The following MRPL28 variants were observed in gnomAD, a reference collection of about 807,000 sequenced individuals.
The protein encoded by MRPL28 is mitochondrial ribosomal protein L28, also known as large ribosomal subunit protein bL28m.
In MRPL28, 25 loss-of-function variants were observed where a neutral mutation model predicts 26.2. The observed-to-expected ratio is 0.95, with a 90% CI of 0.69 to 1.33. The LOEUF (loss-of-function observed/expected upper bound fraction) is 1.33. Ranked by LOEUF, MRPL28 falls within the 40% of genes most tolerant of loss-of-function variation. MRPL28 has a pLI of 0.00. For missense variants in MRPL28, 432 were observed against 327.2 expected, an observed-to-expected ratio of 1.32 and a Z score of -2.47; for synonymous variants, 227 against 140.1, an observed-to-expected ratio of 1.62 and a Z score of -4.38.
At chr16:369,401 TC>T (rs2054295904) in intron 2 of MRPL28, 181 bp from the exon 3 acceptor site, 1 of 727,372 alleles carries the variant, frequency 1.4e-6, no homozygotes, top group Non-Finnish European at 2.2e-6. Context: ...CCGACCCGGG[TC>T]CTGACTGTGT....
rs143007789 is a variant in MRPL28 at position 368,630 on chromosome 16, C to T, written c.447G>A (p.Pro149=). 1,522 of 1,552,854 alleles carry T rather than the reference C, an allele frequency of 9.8e-4. 25 individuals carry two copies. The South Asian group carries it at 9.9e-3, about 10-fold the overall frequency. The part of the protein sequence containing the change: ...YGLDFYILKT[P]KEDLCSKFGM... ...CAAACTTGGAGCACAGGTCCTCCTTCGGGGTCTGGCAGAAGGCTCACATGG... is the reference window on the plus strand; with the variant it reads ...CAAACTTGGAGCACAGGTCCTCCTTTGGGGTCTGGCAGAAGGCTCACATGG... Residue 149 remains proline, a synonymous_variant, in exon 4 of 6, where the codon CCG becomes CCA. Transcript: ENST00000199706.
chr16:369,541 CA>C (rs1452293775), intron 2 of MRPL28: 9 of 607,766 alleles, frequency 1.5e-5, no homozygotes, highest in Non-Finnish European at 2.8e-5. Context: ...GGAGGTGACA[CA>C]AGTCTCCCCA....
rs539745173 is a variant in MRPL28 at position 368,930 on chromosome 16, T to C, written c.441+138A>G. On this transcript the variant is annotated intron_variant, in intron 3 of 5. Transcript: ENST00000199706. Reference sequence around the variant, plus strand: ...CACTGGTGCTGGCCAGAAAGGGGCATGGCCCCACTCACGCTTTCCCAGTGA... The same window carrying C: ...CACTGGTGCTGGCCAGAAAGGGGCACGGCCCCACTCACGCTTTCCCAGTGA... 3.4e-5 allele frequency: 40 copies of C among 1,169,194 alleles called. No individual in the cohort carries two copies. The Middle Eastern group carries it at 1.2e-3, about 34-fold the overall frequency. The allele number at this position is 1,169,194 out of a possible 1,614,324, so 72.4% of individuals were successfully genotyped here. A position where few individuals can be genotyped will look rare whatever the true frequency, so the allele number is the denominator to read the frequency against.
In MRPL28 at chr16:369,812, G is replaced by T. The variant is rs545438838; in HGVS notation, c.288+119C>A. 20 of 1,269,320 alleles carry T rather than the reference G, an allele frequency of 1.6e-5. No individual in the cohort carries two copies. The African/African-American group carries it at 2.8e-4, about 18-fold the overall frequency. 78.6% of individuals were successfully genotyped at this position (1,269,320 alleles called of 1,614,324 possible). Reference sequence around the variant, plus strand: ...CGTGCTCCTTTGCCGGAGATGTGTCGCCTCCAGGCTGTAATCCCCAGGGCC... The same window carrying T: ...CGTGCTCCTTTGCCGGAGATGTGTCTCCTCCAGGCTGTAATCCCCAGGGCC... On this transcript the variant is annotated intron_variant, in intron 2 of 5. Coordinates refer to ENST00000199706, the MANE Select transcript of MRPL28 (RefSeq NM_006428.5).
chr16:367,868 C>T (rs2054274794), intron 5 of MRPL28, 86 bp from the exon 6 acceptor site: 1 of 1,175,480 alleles, frequency 8.5e-7, no homozygotes, highest in African/African-American at 1.5e-5. Context: ...AGCTGCCGCC[C>T]AGAGGAACCG....
Position 370,224 on chromosome 16 carries a change from G to A in MRPL28, c.-6C>T, listed in dbSNP as rs2054311398. The stretch of plus-strand genomic sequence containing the variant: ...GGATACTTGTGTAGAGGCATCGCGA[G>A]CCTGGCGGGAGGTGGGGGCTCGCAG... On this transcript the variant is annotated splice_region_variant and 5_prime_UTR_variant, in exon 2 of 6. Coordinates refer to ENST00000199706, the MANE Select transcript of MRPL28 (RefSeq NM_006428.5). 6.4e-7 allele frequency: 1 copy of A among 1,569,008 alleles called. No homozygotes were observed. Among genetic ancestry groups the A allele is most frequent in the African/African-American group, 1.4e-5 (1 of 74,024 alleles).
At position 369,964 on chromosome 16, in the gene MRPL28, C is replaced by A; in HGVS notation, c.255G>T (p.Trp85Cys). 2 of 1,612,294 alleles carry A rather than the reference C, an allele frequency of 1.2e-6. No individual in the cohort carries two copies. Among genetic ancestry groups the A allele is most frequent in the Non-Finnish European group, 1.7e-6 (2 of 1,179,832 alleles). Reference sequence around the variant, plus strand: ...TGTTGGCATATATTTGGCCCAGGATCCAGCCCTCGCCGCCCCACAACCCCC... The same window carrying A: ...TGTTGGCATATATTTGGCCCAGGATACAGCCCTCGCCGCCCCACAACCCCC... ...SQRGLWGGEG[W>C]ILGQIYANND... Residue 85 changes from tryptophan (W) to cysteine (C), a missense_variant, in exon 2 of 6, where the codon TGG becomes TGT. By Grantham distance (215) the Trp-to-Cys change is radical. Coordinates refer to ENST00000199706, the MANE Select transcript of MRPL28 (RefSeq NM_006428.5).
At chr16:368,687 C>G (rs755409457) in intron 3 of MRPL28, 52 bp from the exon 4 acceptor site, 2 of 1,514,980 alleles carry the variant, frequency 1.3e-6, no homozygotes, top group Admixed American at 4.4e-5. Context: ...CCCCACCTAC[C>G]CTTCCAGCCA....
chr16:370,221 C>G lies in MRPL28; in HGVS notation c.-3G>C, dbSNP rs1360048923. The G allele has an allele frequency of 6.4e-7, 1 of 1,570,374 alleles. No homozygotes were observed. The highest frequency in any genetic ancestry group is 1.3e-5 in the African/African-American group (1 of 74,172). The stretch of plus-strand genomic sequence containing the variant: ...ACGGGATACTTGTGTAGAGGCATCG[C>G]GAGCCTGGCGGGAGGTGGGGGCTCG... On this transcript the variant is annotated 5_prime_UTR_variant, in exon 2 of 6. Transcript: ENST00000199706.
At position 370,021 on chromosome 16, in the gene MRPL28, G is replaced by C. The variant is rs748011102; in HGVS notation, c.198C>G (p.Pro66=). ...ATTCGGGGGGAAAGTAGATGGGAAT[G>C]GGCACGTCCTCCACACGCTCCCGCT... ...NGQRERVEDV[P]IPIYFPPESQ... is the part of the protein sequence containing the mutation. The change falls in exon 2 of 6, where the codon CCC becomes CCG. Residue 66 remains proline (P), a synonymous_variant. Coordinates refer to ENST00000199706, the MANE Select transcript of MRPL28 (RefSeq NM_006428.5). The C allele has an allele frequency of 6.8e-6, 11 of 1,613,278 alleles. No homozygotes were observed. Among genetic ancestry groups the C allele is most frequent in the Non-Finnish European group, 9.3e-6 (11 of 1,179,874 alleles).
chr16:369,370 C>T lies in MRPL28; in HGVS notation c.289-150G>A, dbSNP rs186148599. On this transcript the variant is annotated intron_variant, in intron 2 of 5. Coordinates refer to ENST00000199706, the MANE Select transcript of MRPL28 (RefSeq NM_006428.5). ...GACCTAGAGCTAACTGGGCCGGCCC[C>T]CAGCCCAGTGCCGCCCCAGCCCGAC... The T allele has an allele frequency of 4.1e-4, 421 of 1,030,786 alleles. 1 individual carries two copies. The African/African-American group carries it at 5.9e-3, about 14-fold the overall frequency. The allele number at this position is 1,030,786 out of a possible 1,614,324, so 63.9% of individuals were successfully genotyped here. A position where few individuals can be genotyped will look rare whatever the true frequency, so the allele number is the denominator to read the frequency against.
At chr16:368,945 T>C in intron 3 of MRPL28, 123 bp downstream of exon 3, 1 of 1,284,784 alleles carries the variant, frequency 7.8e-7, no homozygotes, top group South Asian at 1.5e-5. Context: ...CCACTCACGC[T>C]TTCCCAGTGA....
At position 370,214 on chromosome 16, in the gene MRPL28, G is replaced by A. The variant is rs746302516; in HGVS notation, c.5C>T (p.Pro2Leu). ...GAGCCACACGGGATACTTGTGTAGA[G>A]GCATCGCGAGCCTGGCGGGAGGTGG... is the stretch of plus-strand genomic sequence containing the variant. Reference protein sequence around the residue: MPLHKYPVWLWK... With the variant: MLLHKYPVWLWK... The change falls in exon 2 of 6, where the codon CCT becomes CTT. Residue 2 changes from proline to leucine, a missense_variant. Physicochemically the swap from Pro to Leu is moderately conservative, Grantham distance 98. Transcript: ENST00000199706. 22 of 1,578,150 alleles carry A rather than the reference G, an allele frequency of 1.4e-5. No individual in the cohort carries two copies. The highest frequency in any genetic ancestry group is 2.1e-4 in the Middle Eastern group (1 of 4,748).
In MRPL28 at chr16:370,241, G is replaced by A. The variant is rs754796071; in HGVS notation, c.-7-16C>T. On this transcript the variant is annotated splice_polypyrimidine_tract_variant and intron_variant, in intron 1 of 5. Coordinates refer to ENST00000199706, the MANE Select transcript of MRPL28 (RefSeq NM_006428.5). ...CATCGCGAGCCTGGCGGGAGGTGGG[G>A]GCTCGCAGTCAGTCGCAGCCTGGCC... 3.2e-6 allele frequency: 5 copies of A among 1,542,990 alleles called. No individual in the cohort carries two copies. Among genetic ancestry groups the A allele is most frequent in the African/African-American group, 1.4e-5 (1 of 73,004 alleles).
At position 367,658 on chromosome 16, in the gene MRPL28, A is replaced by G. The variant is rs773635123; in HGVS notation, c.*17T>C. On this transcript the variant is annotated 3_prime_UTR_variant, in exon 6 of 6. Transcript: ENST00000199706. ...GGAAAGCTGGGCCTGTTGGTCAGGC[A>G]TGGAGGAGCTGTGTGGTCACTGGCC... 24 of 1,607,942 alleles carry G rather than the reference A, an allele frequency of 1.5e-5. No homozygotes were observed. The highest frequency in any genetic ancestry group is 1.6e-4 in the Middle Eastern group (1 of 6,062).
At chr16:369,537 G>A (rs951667270) in intron 2 of MRPL28, 14 of 605,992 alleles carry the variant, frequency 2.3e-5, no homozygotes, top group Non-Finnish European at 3.4e-5. Flanking sequence ...ACCTGGAGGT[G>A]ACACAAGTCT....
intron 2 of MRPL28, 190 bp from the exon 3 acceptor site, chr16:369,410 T>C: frequency 1.5e-6 from 1 of 685,854 alleles, no homozygotes; most frequent in Non-Finnish European, 2.5e-6. Flanking sequence ...GTCCTGACTG[T>C]GTACCCAGAA....
Position 369,076 on chromosome 16 carries a change from T to C in MRPL28, c.433A>G (p.Ile145Val). The change falls in exon 3 of 6, where the codon ATC (isoleucine) becomes GTC (valine). Residue 145 changes from isoleucine (I) to valine (V), a missense_variant. Ile to Val is a conservative substitution (Grantham distance 29). Transcript: ENST00000199706. ...IDEAYGLDFY[I>V]LKTPKEDLCS... ...CGCCCCACCCCGCTTGCCTTGAGGA[T>C]GTAAAAGTCGAGCCCATAAGCCTCA... The C allele has an allele frequency of 6.2e-7, 1 of 1,613,608 alleles. No homozygotes were observed. Among genetic ancestry groups the C allele is most frequent in the Non-Finnish European group, 8.5e-7 (1 of 1,179,862 alleles).
chr16:367,645 C>A lies in MRPL28; in HGVS notation c.*30G>T. The A allele has an allele frequency of 1.9e-6, 3 of 1,589,602 alleles. No homozygotes were observed. Among genetic ancestry groups the A allele is most frequent in the Non-Finnish European group, 2.6e-6 (3 of 1,158,864 alleles). On this transcript the variant is annotated 3_prime_UTR_variant, in exon 6 of 6. Transcript: ENST00000199706. ...AAGGGCCTGGCAGGGAAAGCTGGGCCTGTTGGTCAGGCATGGAGGAGCTGT... is the reference window on the plus strand; with the variant it reads ...AAGGGCCTGGCAGGGAAAGCTGGGCATGTTGGTCAGGCATGGAGGAGCTGT...
Sources: allele counts gnomAD v4.1 joint callset, GRCh38; gene constraint gnomAD v4.1.1; transcripts MANE v1.5; gene names NCBI Gene and HGNC (gene_info 2026-07-23, HGNC 2026-07-21).